The following HNRNPA3 variants were observed in gnomAD, a reference collection of about 807,000 sequenced individuals.
HNRNPA3 encodes the protein heterogeneous nuclear ribonucleoprotein A3.
HNRNPA3 carries 3 observed loss-of-function variants against 45.8 expected under a neutral mutation model. That is an observed-to-expected ratio of 0.07 (90% CI 0.03 to 0.17). HNRNPA3 has a LOEUF of 0.17. HNRNPA3 is among the 10% of genes least tolerant of loss of function. HNRNPA3 has a pLI of 1.00. For synonymous variants in HNRNPA3, 170 were observed against 155.6 expected, an observed-to-expected ratio of 1.09 and a Z score of -0.69; for missense variants, 183 against 480.3, an observed-to-expected ratio of 0.38 and a Z score of 5.79.
At chr2:177,221,687 AACTC>A (rs1031664297), downstream of HNRNPA3, 2 of 152,494 alleles carry the variant, frequency 1.3e-5, no homozygotes, top group East Asian at 1.9e-4. Context: ...GGATCACAGA[AACTC>A]ACTAAGACAG....
intron 8 of HNRNPA3, among the ~76,000 whole-genome samples, chr2:177,218,254 G>C (rs1409580103): frequency 6.6e-6 from 1 of 151,784 alleles, no homozygotes; most frequent in African/African-American, 2.4e-5. Context: ...AGTAGAGATG[G>C]GGTTTCACCA....
intron 8 of HNRNPA3, among the ~76,000 whole-genome samples, chr2:177,218,218 C>T (rs866978715): frequency 3.3e-5 from 5 of 151,996 alleles, no homozygotes; most frequent in South Asian, 4.2e-4. Context: ...TATGCCAGCA[C>T]GCCCGGTTAA....
chr2:177,216,350 AATAAAC>A lies in HNRNPA3; in HGVS notation c.554-144_554-139del, dbSNP rs374382338. 5.3e-5 allele frequency among the ~76,000 whole-genome samples: 8 copies of A among 152,326 alleles called. No individual in the cohort carries two copies. The South Asian group carries it at 1.0e-3, about 20-fold the overall frequency. On this transcript the variant is annotated intron_variant, in intron 4 of 10. Transcript: ENST00000392524. ...TGTGTAATCAGTATCCAGATCAAGA[AATAAAC>A]ATAAACATCTCAGAATGCTCCTTCA...
At chr2:177,218,723 T>A (rs1258458148) in intron 8 of HNRNPA3, among the ~76,000 whole-genome samples, 1 of 152,194 alleles carries the variant, frequency 6.6e-6, no homozygotes, top group Non-Finnish European at 1.5e-5. Context: ...GACAGATGAG[T>A]GGAAGTTTTA....
exon 11 of HNRNPA3, chr2:177,219,961 T>C (rs1259161386): frequency 1.3e-5 from 2 of 152,642 alleles, no homozygotes; most frequent in Non-Finnish European, 2.9e-5. Flanking sequence ...GGGAATCTAT[T>C]CTCCCCATTT....
chr2:177,222,818 T>C (rs1249383151), downstream of HNRNPA3: 2 of 152,616 alleles, frequency 1.3e-5, no homozygotes, highest in Non-Finnish European at 2.9e-5. Flanking sequence ...TAAAGGTTGG[T>C]CTTCAAGTGG....
chr2:177,214,794 C>G (rs1688859743), intron 1 of HNRNPA3, among the ~76,000 whole-genome samples: 1 of 152,068 alleles, frequency 6.6e-6, no homozygotes. Flanking sequence ...GACTCAGTCT[C>G]AAAAACAAAA....
At chr2:177,223,360 C>T (rs1207602510), downstream of HNRNPA3, 3 of 150,790 alleles carry the variant, frequency 2.0e-5, no homozygotes, top group South Asian at 6.3e-4. Context: ...ATTGTCGTTT[C>T]TGAAAACTAC....
At chr2:177,216,079 G>C in exon 4 of HNRNPA3, 1 of 1,557,316 alleles carries the variant, frequency 6.4e-7, no homozygotes, top group Non-Finnish European at 8.8e-7. Context: ...ACTTTGAAAA[G>C]TATGGCAAGA....
At chr2:177,217,009 A>G in intron 7 of HNRNPA3, 69 bp downstream of exon 7, 1 of 1,353,696 alleles carries the variant, frequency 7.4e-7, no homozygotes. Context: ...TATTTATTAC[A>G]CTTTTCTAAT....
At chr2:177,216,998 T>A in intron 7 of HNRNPA3, 58 bp downstream of exon 7, 2 of 1,388,492 alleles carry the variant, frequency 1.4e-6, no homozygotes, top group Non-Finnish European at 1.9e-6. Context: ...TTATTGAAAA[T>A]TATTTATTAC....
At position 177,215,530 on chromosome 2, in the gene HNRNPA3, T is replaced by G. The variant is rs758733962; in HGVS notation, c.73-9T>G. ...AAGGTAACTTAAGAGTATTGGTTCT[T>G]TCTCTCAGGGCCATGATCCAAAGGA... On this transcript the variant is annotated splice_polypyrimidine_tract_variant and intron_variant, in intron 1 of 10. Coordinates refer to ENST00000392524, the Ensembl canonical transcript of HNRNPA3. The G allele has an allele frequency of 3.1e-6, 5 of 1,613,696 alleles. No homozygotes were observed. Among genetic ancestry groups the G allele is most frequent in the Non-Finnish European group, 2.5e-6 (3 of 1,179,770 alleles).
chr2:177,213,141 C>T (rs1004781912), intron 1 of HNRNPA3, among the ~76,000 whole-genome samples: 2 of 152,018 alleles, frequency 1.3e-5, no homozygotes, highest in East Asian at 1.9e-4. Flanking sequence ...GCTGCGCGGC[C>T]TCCGAAGCGA....
chr2:177,221,100 A>T (rs1453007008), downstream of HNRNPA3: 1 of 152,682 alleles, frequency 6.5e-6, no homozygotes, highest in Non-Finnish European at 1.5e-5. Context: ...GTCTTCACAC[A>T]TACTGCAGTT....
intron 7 of HNRNPA3, among the ~76,000 whole-genome samples, chr2:177,217,211 TTTTC>T (rs747576015): frequency 8.3e-6 from 1 of 120,330 alleles, no homozygotes; most frequent in Non-Finnish European, 1.7e-5. Flanking sequence ...TGAAAACTGA[TTTTC>T]TTTTTTACTA....
rs773831713 is a variant in HNRNPA3 at position 177,216,650 on chromosome 2, A to G, written c.644-26A>G. 5.0e-6 allele frequency: 8 copies of G among 1,613,596 alleles called. No homozygotes were observed. The Admixed American group carries it at 1.3e-4, about 27-fold the overall frequency. On this transcript the variant is annotated intron_variant, in intron 5 of 10. Coordinates refer to ENST00000392524, the Ensembl canonical transcript of HNRNPA3. ...TATGAGTGGTGTTTGTAAGGTTCTT[A>G]AAAATCTCCCTTGCCTGTATTAAAG...
At chr2:177,217,008 C>T (rs1021046327) in intron 7 of HNRNPA3, 68 bp downstream of exon 7, 2 of 1,353,816 alleles carry the variant, frequency 1.5e-6, no homozygotes, top group Non-Finnish European at 2.0e-6. Context: ...TTATTTATTA[C>T]ACTTTTCTAA....
downstream of HNRNPA3, chr2:177,222,104 A>G (rs1689205119): frequency 1.3e-5 from 2 of 152,626 alleles, no homozygotes; most frequent in African/African-American, 4.8e-5. Flanking sequence ...TGTCTTTCCT[A>G]CCATCTAAAA....
intron 1 of HNRNPA3, 152 bp downstream of exon 1, chr2:177,213,023 A>C (rs995808166): frequency 2.0e-6 from 1 of 507,684 alleles, no homozygotes; most frequent in South Asian, 3.2e-5. Flanking sequence ...AGAGTTGGAG[A>C]CCTCCTTGGG....
Sources: allele counts gnomAD v4.1 joint callset (sites outside exome capture counted in the v4.1 genomes callset), GRCh38; gene constraint gnomAD v4.1.1; transcripts MANE v1.5; gene names NCBI Gene and HGNC (gene_info 2026-07-23, HGNC 2026-07-21).